Variants in COL1A2 observed in about 807,000 individuals in gnomAD.
COL1A2 encodes the protein collagen type I alpha 2 chain, also known as collagen alpha-2(I) chain.
Under a neutral mutation model 174.3 loss-of-function variants are expected in COL1A2, and 49 were observed. The observed-to-expected ratio is 0.28, with a 90% CI of 0.22 to 0.36. The LOEUF (loss-of-function observed/expected upper bound fraction) is 0.36. COL1A2 is among the 10% of genes least tolerant of loss of function. COL1A2 has a pLI of 1.00. For missense variants in COL1A2, 1,438 were observed against 1,822.7 expected, an observed-to-expected ratio of 0.79 and a Z score of 3.84; for synonymous variants, 655 against 606.6, an observed-to-expected ratio of 1.08 and a Z score of -1.17.
In COL1A2 at chr7:94,410,790, A is replaced by G. The variant is rs1197214869; in HGVS notation, c.1198-99A>G. The G allele has an allele frequency of 8.2e-6, 11 of 1,335,570 alleles. No individual in the cohort carries two copies. In the Admixed American group the frequency reaches 1.9e-4, roughly 23 times the overall value. 82.7% of individuals were successfully genotyped at this position (1,335,570 alleles called of 1,614,324 possible). A position where few individuals can be genotyped will look rare whatever the true frequency, so the allele number is the denominator to read the frequency against. ...GTGTTTTGGCTTGGTTTGTGTCTGT[A>G]TCTCCCCTGTAAGGAGATCATGCTA... On this transcript the variant is annotated intron_variant, in intron 21 of 51. Coordinates refer to ENST00000297268, the MANE Select transcript of COL1A2 (RefSeq NM_000089.4).
chr7:94,396,412 AT>A (rs57552857), intron 1 of COL1A2, among the ~76,000 whole-genome samples: 41 of 152,066 alleles, frequency 2.7e-4, no homozygotes, highest in African/African-American at 9.9e-4. Context: ...CTAAGGAGTA[AT>A]TGCAGTGAAC....
At position 94,404,416 on chromosome 7, in the gene COL1A2, C is replaced by A. The variant is rs554835764; in HGVS notation, c.280-140C>A. On this transcript the variant is annotated intron_variant, in intron 6 of 51. Transcript: ENST00000297268. ...AGAACTAGTGCAGGAAGTTTGAGTCCTTAAATTCTTCCTTGGGAGGAATAA... is the reference window on the plus strand; with the variant it reads ...AGAACTAGTGCAGGAAGTTTGAGTCATTAAATTCTTCCTTGGGAGGAATAA... 3.6e-5 allele frequency: 32 copies of A among 885,894 alleles called. No individual in the cohort carries two copies. In the African/African-American group the frequency reaches 5.1e-4, roughly 14 times the overall value. 54.9% of individuals were successfully genotyped at this position (885,894 alleles called of 1,614,324 possible).
intron 6 of COL1A2, among the ~76,000 whole-genome samples, chr7:94,402,511 T>G (rs757635622): frequency 2.0e-5 from 3 of 151,730 alleles, no homozygotes; most frequent in Admixed American, 2.0e-4. Context: ...ACATTCCCTA[T>G]ATGATGATGA....
chr7:94,410,657 AT>A, intron 21 of COL1A2, 130 bp downstream of exon 21: 1 of 934,624 alleles, frequency 1.1e-6, no homozygotes. Flanking sequence ...CATCTGCCTT[AT>A]TAAATCAGTG....
chr7:94,417,590 C>G (rs1792068641), intron 31 of COL1A2, 134 bp from the exon 32 acceptor site: 1 of 742,050 alleles, frequency 1.3e-6, no homozygotes, highest in Admixed American at 2.0e-5. Flanking sequence ...CTTTCAATAG[C>G]CCAGCCTTCT....
intron 30 of COL1A2, among the ~76,000 whole-genome samples, chr7:94,416,118 A>G (rs938345364): frequency 1.1e-4 from 16 of 152,298 alleles, no homozygotes; most frequent in African/African-American, 3.8e-4. Context: ...ATCACAGAAA[A>G]GACTCCTCAA....
chr7:94,418,165 C>T (rs116431201), intron 32 of COL1A2, among the ~76,000 whole-genome samples: 4 of 152,180 alleles, frequency 2.6e-5, no homozygotes, highest in Admixed American at 1.3e-4. Flanking sequence ...TTAGTTATGC[C>T]GTAAGAGTGA....
chr7:94,420,958 A>T, intron 37 of COL1A2, 51 bp from the exon 38 acceptor site: 1 of 1,549,018 alleles, frequency 6.5e-7, no homozygotes, highest in Non-Finnish European at 8.9e-7. Context: ...AAAGAGTAGC[A>T]TTTACAAGGG....
intron 9 of COL1A2, 52 bp downstream of exon 9, chr7:94,404,944 T>A (rs771228335): frequency 6.3e-7 from 1 of 1,592,466 alleles, no homozygotes; most frequent in Non-Finnish European, 8.6e-7. Flanking sequence ...TACTCTTGCC[T>A]CAACAAGATT....
At chr7:94,412,009 T>G (rs1359801223) in intron 23 of COL1A2, 59 bp from the exon 24 acceptor site, 2 of 1,438,806 alleles carry the variant, frequency 1.4e-6, no homozygotes, top group Admixed American at 3.5e-5. Flanking sequence ...TCAGTTAATC[T>G]AAGGCTTGAG....
At chr7:94,403,613 C>A (rs74835936) in intron 6 of COL1A2, among the ~76,000 whole-genome samples, 1,552 of 152,224 alleles carry the variant, frequency 0.01, 25 homozygotes, top group African/African-American at 0.035. Context: ...ATGAATAATT[C>A]TTATAATTAA....
At chr7:94,395,237 G>A in intron 1 of COL1A2, 136 bp downstream of exon 1, 2 of 796,798 alleles carry the variant, frequency 2.5e-6, no homozygotes. Flanking sequence ...GTGGGAAAAC[G>A]CCGGAATTGA....
chr7:94,423,449 T>C, intron 40 of COL1A2: 1 of 367,896 alleles, frequency 2.7e-6, no homozygotes, highest in African/African-American at 2.1e-5. Context: ...CTCAGTAGGC[T>C]ACCAATTTCT....
chr7:94,412,694 C>T lies in COL1A2; in HGVS notation c.1503+12C>T. ...CCAAAGGCCCCACTGTAAGAATCAC[C>T]ACAACTTTCTTACCCTCAGCACTTT... On this transcript the variant is annotated intron_variant, in intron 25 of 51. Coordinates refer to ENST00000297268, the MANE Select transcript of COL1A2 (RefSeq NM_000089.4). The T allele has an allele frequency of 1.9e-6, 3 of 1,609,450 alleles. No individual in the cohort carries two copies. The highest frequency in any genetic ancestry group is 1.1e-5 in the South Asian group (1 of 90,980).
In COL1A2 at chr7:94,420,384, C is replaced by T; in HGVS notation, c.2134-7C>T. 6.2e-7 allele frequency: 1 copy of T among 1,614,160 alleles called. No homozygotes were observed. The highest frequency in any genetic ancestry group is 8.5e-7 in the Non-Finnish European group (1 of 1,180,036). Reference sequence around the variant, plus strand: ...TAACACATTTTTAAATCCCTTCTCCCACCTAGGGTGAACGTGGTGAGGTCG... The same window carrying T: ...TAACACATTTTTAAATCCCTTCTCCTACCTAGGGTGAACGTGGTGAGGTCG... On this transcript the variant is annotated splice_polypyrimidine_tract_variant and splice_region_variant and intron_variant, in intron 35 of 51. Coordinates refer to ENST00000297268, the MANE Select transcript of COL1A2 (RefSeq NM_000089.4).
Position 94,404,443 on chromosome 7 carries a change from A to G in COL1A2, c.280-113A>G. The stretch of plus-strand genomic sequence containing the variant: ...TAAATTCTTCCTTGGGAGGAATAAA[A>G]ACTATGGAATCAAACCACAACAATG... On this transcript the variant is annotated intron_variant, in intron 6 of 51. Coordinates refer to ENST00000297268, the MANE Select transcript of COL1A2 (RefSeq NM_000089.4). The G allele has an allele frequency of 2.7e-6, 3 of 1,123,878 alleles. No homozygotes were observed. In the Admixed American group the frequency reaches 5.3e-5, roughly 20 times the overall value. The allele number at this position is 1,123,878 out of a possible 1,614,324, so 69.6% of individuals were successfully genotyped here.
chr7:94,426,612 T>TACTGGAACAATAGCAG, intron 46 of COL1A2, 82 bp downstream of exon 46: 1 of 1,056,768 alleles, frequency 9.5e-7, no homozygotes, highest in Non-Finnish European at 1.4e-6. Flanking sequence ...TTCACTGCTA[T>TACTGGAACAATAGCAG]TGTTCCAGTA....
In COL1A2 at chr7:94,397,771, T is replaced by C; in HGVS notation, c.81+13T>C. ...AGCTTTACAAGAGGTGAGTAAAACT[T>C]TTTTTAGAATTTTTAAAAATACTTT... On this transcript the variant is annotated intron_variant, in intron 2 of 51. Coordinates refer to ENST00000297268, the MANE Select transcript of COL1A2 (RefSeq NM_000089.4). 1.5e-6 allele frequency: 2 copies of C among 1,295,804 alleles called. No individual in the cohort carries two copies. The highest frequency in any genetic ancestry group is 1.3e-5 in the South Asian group (1 of 79,830). The allele number at this position is 1,295,804 out of a possible 1,614,324, so 80.3% of individuals were successfully genotyped here. A position where few individuals can be genotyped will look rare whatever the true frequency, so the allele number is the denominator to read the frequency against.
rs766273613 is a variant in COL1A2 at position 94,429,248 on chromosome 7, C to T, written c.3772C>T (p.Arg1258Cys). Residue 1258 changes from arginine (R) to cysteine (C), a missense_variant, in exon 51 of 52, where the codon CGC (arginine) becomes TGC (cysteine). By Grantham distance (180) the Arg-to-Cys change is radical (BLOSUM62 -3). Transcript: ENST00000297268. The stretch of plus-strand genomic sequence containing the variant: ...AATGGCTACCCAACTTGCCTTCATG[C>T]GCCTGCTGGCCAACTATGCCTCTCA... Reference protein sequence around the residue: ...KEMATQLAFMRLLANYASQNI... With the variant: ...KEMATQLAFMCLLANYASQNI... 1.2e-5 allele frequency: 20 copies of T among 1,613,466 alleles called. No individual in the cohort carries two copies. Among genetic ancestry groups the T allele is most frequent in the Middle Eastern group, 1.7e-4 (1 of 6,060 alleles).
Sources: allele counts gnomAD v4.1 joint callset (sites outside exome capture counted in the v4.1 genomes callset), GRCh38; gene constraint gnomAD v4.1.1; transcripts MANE v1.5; gene names NCBI Gene and HGNC (gene_info 2026-07-23, HGNC 2026-07-21).